HLCS: variants seen among roughly 807,000 people sequenced by gnomAD.
HLCS encodes biotin--protein ligase.
A neutral mutation model predicts 75.0 loss-of-function variants in HLCS; 53 were observed. The ratio of observed to expected loss-of-function variants is 0.71; its 90% confidence interval spans 0.57 to 0.89. HLCS has a LOEUF of 0.89. HLCS is among the 40% of genes least tolerant of loss of function. The pLI is 0.00. For missense variants in HLCS, 966 were observed against 1,074.0 expected (o/e 0.90, Z 1.41); for synonymous variants, 431 against 428.6 (o/e 1.01, Z -0.07).
intron 6 of HLCS, among the ~76,000 whole-genome samples, chr21:36,876,910 T>A (rs182301891): frequency 8.5e-5 from 13 of 152,348 alleles, no homozygotes; most frequent in African/African-American, 1.7e-4. Context: ...CATTTTTGCA[T>A]CATATACTTT....
intron 1 of HLCS, among the ~76,000 whole-genome samples, chr21:36,977,423 G>A (rs2068969373): frequency 6.6e-6 from 1 of 152,118 alleles, no homozygotes; most frequent in Non-Finnish European, 1.5e-5. Context: ...TGCAAATGGG[G>A]GAGCCCCACT....
Position 36,866,430 on chromosome 21 carries a change from A to G in HLCS, c.1892+30430T>C, listed in dbSNP as rs182880864. 5.3e-5 allele frequency among the ~76,000 whole-genome samples: 8 copies of G among 152,360 alleles called. No individual in the cohort carries two copies. In the East Asian group the frequency reaches 1.5e-3, roughly 29 times the overall value. On this transcript the variant is annotated intron_variant, in intron 6 of 10. Transcript: ENST00000674895. Reference sequence around the variant, plus strand: ...TACACTTTATGTGAGGTTAGTGTACAATGTGGCGTAAAAGACTGGTGTAAA... The same window carrying G: ...TACACTTTATGTGAGGTTAGTGTACGATGTGGCGTAAAAGACTGGTGTAAA...
chr21:36,972,989 G>A (rs944972456), intron 1 of HLCS, among the ~76,000 whole-genome samples: 3 of 152,122 alleles, frequency 2.0e-5, no homozygotes, highest in African/African-American at 7.2e-5. Flanking sequence ...GCCAAAGTGG[G>A]AGGATCATTT....
At chr21:36,979,865 G>C (rs938225577) in intron 1 of HLCS, among the ~76,000 whole-genome samples, 4 of 151,924 alleles carry the variant, frequency 2.6e-5, no homozygotes, top group African/African-American at 9.7e-5. Context: ...GACCAGCCTG[G>C]GCAACATGGT....
chr21:36,964,394 C>A (rs536189072), intron 1 of HLCS, among the ~76,000 whole-genome samples: 30 of 152,346 alleles, frequency 2.0e-4, no homozygotes, highest in African/African-American at 7.2e-4. Flanking sequence ...AAGCTTTCCA[C>A]CTGTAGACCT....
intron 6 of HLCS, among the ~76,000 whole-genome samples, chr21:36,817,970 G>C (rs1158057721): frequency 6.6e-6 from 1 of 152,230 alleles, no homozygotes; most frequent in Non-Finnish European, 1.5e-5. Flanking sequence ...GCTGTTCTAA[G>C]TGGAGCTTTT....
At position 36,751,110 on chromosome 21, in the gene HLCS, A is replaced by G. The variant is rs2089350962; in HGVS notation, c.*3136T>C. 6.6e-6 allele frequency: 1 copy of G among 151,710 alleles called. No individual in the cohort carries two copies. Among genetic ancestry groups the G allele is most frequent in the Non-Finnish European group, 1.5e-5 (1 of 67,776 alleles). The allele number at this position is 151,710 out of a possible 1,614,324, so 9.4% of individuals were successfully genotyped here. On this transcript the variant is annotated 3_prime_UTR_variant, in exon 11 of 11. Transcript: ENST00000674895. ...CTTTATTTATTTTGTAAAAATGTTT[A>G]AATATGAATAAAAATACTGTAACCC... is the stretch of plus-strand genomic sequence containing the variant.
intron 6 of HLCS, among the ~76,000 whole-genome samples, chr21:36,809,075 G>A (rs1179610273): frequency 6.6e-6 from 1 of 152,070 alleles, no homozygotes; most frequent in Non-Finnish European, 1.5e-5. Context: ...ATAGCTGGGT[G>A]TGGTGGTTCG....
At chr21:36,801,396 C>T (rs3787755) in intron 6 of HLCS, among the ~76,000 whole-genome samples, 4 of 152,050 alleles carry the variant, frequency 2.6e-5, no homozygotes, top group Non-Finnish European at 4.4e-5. Context: ...TTATAACAAT[C>T]GGAGAGGTTA....
intron 7 of HLCS, among the ~76,000 whole-genome samples, chr21:36,766,634 C>T (rs950470668): frequency 7.2e-5 from 11 of 152,120 alleles, no homozygotes; most frequent in East Asian, 1.9e-4. Context: ...GGCCAAGCCC[C>T]GTGGAGCAGC....
chr21:36,854,866 G>A (rs1177258303), intron 6 of HLCS, among the ~76,000 whole-genome samples: 1 of 152,212 alleles, frequency 6.6e-6, no homozygotes, highest in Admixed American at 6.5e-5. Flanking sequence ...TTGAGAATCT[G>A]ATTCTATTTT....
intron 6 of HLCS, among the ~76,000 whole-genome samples, chr21:36,886,432 C>CAAAAAAA (rs11297170): frequency 3.0e-5 from 2 of 66,926 alleles, no homozygotes; most frequent in Non-Finnish European, 5.7e-5. Context: ...GACTCCATCT[C>CAAAAAAA]AAAAAAAAAA....
intron 1 of HLCS, among the ~76,000 whole-genome samples, chr21:36,983,623 G>A (rs1663995731): frequency 6.6e-6 from 1 of 151,822 alleles, no homozygotes; most frequent in Non-Finnish European, 1.5e-5. Context: ...AGATCACGAG[G>A]TCAGGAGATC....
Position 36,936,472 on chromosome 21 carries a change from C to G in HLCS, c.1414G>C (p.Gly472Arg), listed in dbSNP as rs748444836. 5 of 1,614,024 alleles carry G rather than the reference C, an allele frequency of 3.1e-6. No individual in the cohort carries two copies. Among genetic ancestry groups the G allele is most frequent in the East Asian group, 4.5e-5 (2 of 44,902 alleles). ...ACCTGGCAAAGAACAGCTTCTCCCCCGCGAGTTCCAAAAGGCACATGCACA... is the reference window on the plus strand; with the variant it reads ...ACCTGGCAAAGAACAGCTTCTCCCCGGCGAGTTCCAAAAGGCACATGCACA... ...MIVHVPFGTR[G>R]GEAVLCQVHL... The change falls in exon 4 of 11, where the codon GGG becomes CGG. Residue 472 changes from glycine to arginine, a missense_variant. By Grantham distance (125) the Gly-to-Arg change is moderately radical (BLOSUM62 -2). Coordinates refer to ENST00000674895, the MANE Select transcript of HLCS (RefSeq NM_001352514.2).
At chr21:36,825,988 A>G (rs3787756) in intron 6 of HLCS, among the ~76,000 whole-genome samples, 53,209 of 151,902 alleles carry the variant, frequency 0.35, 10,078 homozygotes, top group African/African-American at 0.48. Flanking sequence ...AGGCAGAGGG[A>G]GTTTCTTCAC....
intron 6 of HLCS, among the ~76,000 whole-genome samples, chr21:36,781,259 CAAAAA>C (rs34115036): frequency 8.8e-6 from 1 of 114,076 alleles, no homozygotes. Flanking sequence ...AACTCTGTCT[CAAAAA>C]AAAAAAAAAA....
At position 36,823,609 on chromosome 21, in the gene HLCS, G is replaced by C. The variant is rs567834995; in HGVS notation, c.1893-56324C>G. Among the ~76,000 whole-genome samples the C allele has an allele frequency of 8.8e-4, 111 of 126,308 alleles. 1 individual carries two copies. Among genetic ancestry groups the C allele is most frequent in the African/African-American group, 3.3e-3 (107 of 32,392 alleles). 82.9% of individuals were successfully genotyped at this position (126,308 alleles called of 152,430 possible). A position where few individuals can be genotyped will look rare whatever the true frequency, so the allele number is the denominator to read the frequency against. The stretch of plus-strand genomic sequence containing the variant: ...CCCATTTACCAGCTTCAAACGTGCA[G>C]GGTGTGTGTGTGTGTGTGTGTGTGT... On this transcript the variant is annotated intron_variant, in intron 6 of 10. Transcript: ENST00000674895.
chr21:36,782,248 G>A (rs2060558100), intron 6 of HLCS, among the ~76,000 whole-genome samples: 1 of 151,972 alleles, frequency 6.6e-6, no homozygotes, highest in Admixed American at 6.6e-5. Flanking sequence ...TTCTGAGGAA[G>A]ACTAAAAAAA....
intron 6 of HLCS, among the ~76,000 whole-genome samples, chr21:36,793,770 G>T (rs1286081377): frequency 1.3e-5 from 2 of 152,194 alleles, no homozygotes; most frequent in Admixed American, 6.5e-5. Context: ...AGACCTTAAA[G>T]AAATTTAGTG....
Sources: allele counts gnomAD v4.1 joint callset (sites outside exome capture counted in the v4.1 genomes callset), GRCh38; gene constraint gnomAD v4.1.1; transcripts MANE v1.5; gene names NCBI Gene and HGNC (gene_info 2026-07-23, HGNC 2026-07-21).